ADAMTSL1: variants seen among roughly 807,000 people sequenced by gnomAD.
ADAMTSL1 encodes ADAMTS like 1, also known as ADAMTS-like protein 1.
ADAMTSL1 carries 126 observed loss-of-function variants against 201.8 expected under a neutral mutation model. The ratio of observed to expected loss-of-function variants is 0.62; its 90% CI spans 0.54 to 0.72. ADAMTSL1 has a LOEUF of 0.72. ADAMTSL1 is among the 30% of genes least tolerant of loss of function. The pLI is 0.00. For synonymous variants in ADAMTSL1, 1,121 were observed against 903.4 expected, an observed-to-expected ratio of 1.24 and a Z score of -4.32; for missense variants, 2,679 against 2,277.8, an observed-to-expected ratio of 1.18 and a Z score of -3.59.
chr9:18,413,350 A>G (rs1473981691), intron 2 of ADAMTSL1, among the ~76,000 whole-genome samples: 1 of 152,024 alleles, frequency 6.6e-6, no homozygotes, highest in Non-Finnish European at 1.5e-5. Context: ...TTTTTAGTAG[A>G]GATGGGGTTT....
At chr9:18,588,884 C>CATATATATAT (rs754566534) in intron 4 of ADAMTSL1, among the ~76,000 whole-genome samples, 23 of 122,770 alleles carry the variant, frequency 1.9e-4, no homozygotes, top group Non-Finnish European at 3.2e-4. Flanking sequence ...TATACATATA[C>CATATATATAT]ATATATATAT....
At chr9:18,053,230 T>A (rs1340724975) in intron 1 of ADAMTSL1, among the ~76,000 whole-genome samples, 1 of 152,134 alleles carries the variant, frequency 6.6e-6, no homozygotes, top group African/African-American at 2.4e-5. Context: ...TTAGCACTGC[T>A]CTGATGAGTA....
At chr9:18,657,891 C>G in intron 8 of ADAMTSL1, 141 bp downstream of exon 8, 1 of 657,460 alleles carries the variant, frequency 1.5e-6, no homozygotes, top group South Asian at 1.9e-5. Flanking sequence ...AGTGGAATCT[C>G]GAGGCCCTCC....
intron 23 of ADAMTSL1, among the ~76,000 whole-genome samples, chr9:18,851,862 C>T (rs1459641320): frequency 1.3e-5 from 2 of 152,210 alleles, no homozygotes; most frequent in East Asian, 1.9e-4. Context: ...TCTTAGTGTA[C>T]ATGGTTGAGC....
chr9:18,711,642 A>G (rs1342259964), intron 14 of ADAMTSL1, among the ~76,000 whole-genome samples: 3 of 152,250 alleles, frequency 2.0e-5, no homozygotes, highest in Non-Finnish European at 4.4e-5. Context: ...TCTGAGATCA[A>G]ACTGCAAGGT....
intron 2 of ADAMTSL1, among the ~76,000 whole-genome samples, chr9:18,221,061 C>T (rs112682824): frequency 1.3e-5 from 2 of 152,112 alleles, no homozygotes; most frequent in African/African-American, 2.4e-5. Context: ...AGACATGAGT[C>T]GCCATGCCCA....
intron 2 of ADAMTSL1, among the ~76,000 whole-genome samples, chr9:18,165,930 A>T (rs1461543087): frequency 6.6e-6 from 1 of 151,898 alleles, no homozygotes; most frequent in Non-Finnish European, 1.5e-5. Context: ...GTAACCAGAA[A>T]GGTGGAATTC....
chr9:18,748,700 C>T (rs1446750354), intron 15 of ADAMTSL1, among the ~76,000 whole-genome samples: 1 of 152,188 alleles, frequency 6.6e-6, no homozygotes, highest in African/African-American at 2.4e-5. Context: ...AAATTCAACT[C>T]AGTTTTTCAC....
At chr9:17,978,766 T>C (rs1018576486) in intron 1 of ADAMTSL1, among the ~76,000 whole-genome samples, 26 of 151,328 alleles carry the variant, frequency 1.7e-4, no homozygotes, top group African/African-American at 6.0e-4. Flanking sequence ...ACCTTTACCA[T>C]TGATTTTTTT....
chr9:18,724,199 CT>C (rs1817726187), intron 15 of ADAMTSL1, among the ~76,000 whole-genome samples: 2 of 152,316 alleles, frequency 1.3e-5, no homozygotes, highest in Admixed American at 1.3e-4. Flanking sequence ...AGGTCACCCC[CT>C]GGTTAAGATA....
chr9:18,122,327 G>A (rs1430809298), intron 1 of ADAMTSL1, among the ~76,000 whole-genome samples: 4 of 152,176 alleles, frequency 2.6e-5, no homozygotes, highest in African/African-American at 9.7e-5. Context: ...CTCTGCAACA[G>A]CAGCAACAGG....
At chr9:18,555,929 G>A (rs1321856495) in intron 3 of ADAMTSL1, among the ~76,000 whole-genome samples, 1 of 151,858 alleles carries the variant, frequency 6.6e-6, no homozygotes, top group African/African-American at 2.4e-5. Context: ...CATGTAGAAA[G>A]GAGAAAACAG....
intron 2 of ADAMTSL1, among the ~76,000 whole-genome samples, chr9:18,311,348 A>AT (rs1279422239): frequency 6.7e-6 from 1 of 148,392 alleles, no homozygotes; most frequent in East Asian, 1.9e-4. Flanking sequence ...TTAGGGTATA[A>AT]TAAAAAAAAA....
intron 19 of ADAMTSL1, among the ~76,000 whole-genome samples, chr9:18,786,266 C>G (rs1177353912): frequency 6.6e-6 from 1 of 152,160 alleles, no homozygotes; most frequent in East Asian, 1.9e-4. Flanking sequence ...TTTTCCTTCT[C>G]TTCTGGGCCT....
At chr9:18,504,799 T>A (rs1345419892) in intron 1 of ADAMTSL1, 30 bp from the exon 2 acceptor site, 2 of 1,614,046 alleles carry the variant, frequency 1.2e-6, no homozygotes, top group Non-Finnish European at 1.7e-6. Flanking sequence ...ATGGGGGATA[T>A]GATGCTGACC....
chr9:18,397,114 G>C (rs978991342), intron 2 of ADAMTSL1, among the ~76,000 whole-genome samples: 2 of 152,050 alleles, frequency 1.3e-5, no homozygotes, highest in Admixed American at 1.3e-4. Context: ...CTAAGTTTAG[G>C]TTTGTTTAGA....
intron 15 of ADAMTSL1, among the ~76,000 whole-genome samples, chr9:18,725,566 T>C (rs1204695422): frequency 6.6e-6 from 1 of 152,166 alleles, no homozygotes; most frequent in African/African-American, 2.4e-5. Flanking sequence ...AAAAAGGACC[T>C]AAGATCAGTC....
At chr9:18,749,343 A>G (rs1715346307) in intron 15 of ADAMTSL1, among the ~76,000 whole-genome samples, 1 of 152,202 alleles carries the variant, frequency 6.6e-6, no homozygotes, top group Non-Finnish European at 1.5e-5. Flanking sequence ...GGGACCATAC[A>G]GTAAGAGAAT....
rs138362806 is a variant in ADAMTSL1 at position 18,869,596 on chromosome 9, G to A, written c.4250-18235G>A. ...GAGGGTTTATCTAGATGAAAATTCCGGGTTCACCAGTTTATGTTTCCCCAG... is the reference window on the plus strand; with the variant it reads ...GAGGGTTTATCTAGATGAAAATTCCAGGTTCACCAGTTTATGTTTCCCCAG... On this transcript the variant is annotated intron_variant, in intron 23 of 28. Coordinates refer to ENST00000380548, the MANE Select transcript of ADAMTSL1 (RefSeq NM_001040272.6). Among the ~76,000 whole-genome samples the A allele has an allele frequency of 8.5e-5, 13 of 152,212 alleles. No homozygotes were observed. The East Asian group carries it at 1.7e-3, about 20-fold the overall frequency.
Sources: gnomAD v4.1 joint callset for allele counts (sites outside exome capture counted in the v4.1 genomes callset) on GRCh38, gnomAD v4.1.1 for gene constraint, MANE v1.5 for transcripts, NCBI Gene and HGNC (gene_info 2026-07-23, HGNC 2026-07-21) for gene names.